The following ARHGEF3 variants were observed in gnomAD, a reference collection of about 807,000 sequenced individuals.
ARHGEF3 encodes the protein Rho guanine nucleotide exchange factor 3.
ARHGEF3 carries 28 observed loss-of-function variants against 63.2 expected under a neutral mutation model. That is an observed-to-expected ratio of 0.44 (90% CI 0.33 to 0.61). The LOEUF is 0.61. ARHGEF3 is among the 20% of genes least tolerant of loss of function. ARHGEF3 has a pLI of 0.03. For missense variants in ARHGEF3, 533 were observed against 659.3 expected, an observed-to-expected ratio of 0.81 and a Z score of 2.10; for synonymous variants, 266 against 254.2, an observed-to-expected ratio of 1.05 and a Z score of -0.44.
chr3:56,884,701 G>A (rs571536151), intron 3 of ARHGEF3, among the ~76,000 whole-genome samples: 89 of 152,336 alleles, frequency 5.8e-4, no homozygotes, highest in African/African-American at 2.0e-3. Context: ...TCACAACTCC[G>A]GGCACAGCTG....
Position 56,795,676 on chromosome 3 carries a change from A to T in ARHGEF3, c.96+6027T>A, listed in dbSNP as rs1422885190. ...CTCTCTTTTTTTTTTTTGAAGATGG[A>T]CTCTTGCTCTGTTGCTCAGACTGGA... On this transcript the variant is annotated intron_variant, in intron 1 of 9. Transcript: ENST00000296315. 1.9e-4 allele frequency among the ~76,000 whole-genome samples: 9 copies of T among 47,300 alleles called. No homozygotes were observed. The East Asian group carries it at 5.9e-3, about 31-fold the overall frequency. 31.0% of individuals were successfully genotyped at this position (47,300 alleles called of 152,430 possible). A position where few individuals can be genotyped will look rare whatever the true frequency, so the allele number is the denominator to read the frequency against.
chr3:57,071,487 C>A (rs1489183335), intron 1 of ARHGEF3, among the ~76,000 whole-genome samples: 7 of 151,914 alleles, frequency 4.6e-5, no homozygotes, highest in African/African-American at 1.7e-4. Context: ...TGGTGAAACC[C>A]CGTCTCTACT....
chr3:56,922,629 T>C (rs879918033), intron 3 of ARHGEF3, among the ~76,000 whole-genome samples: 8 of 152,234 alleles, frequency 5.3e-5, no homozygotes, highest in Non-Finnish European at 7.3e-5. Context: ...TCATTCTTAT[T>C]AAAAAGTTTC....
chr3:56,801,326 T>A (rs1489171350), intron 1 of ARHGEF3, among the ~76,000 whole-genome samples: 1 of 152,100 alleles, frequency 6.6e-6, no homozygotes, highest in Non-Finnish European at 1.5e-5. Flanking sequence ...TTGCTGACAC[T>A]TCCCTGACAC....
chr3:57,042,667 TATATATATATATATATATATATA>T (rs1560155870), intron 1 of ARHGEF3, among the ~76,000 whole-genome samples: 151 of 12,798 alleles, frequency 0.012, 6 homozygotes, highest in African/African-American at 0.041. Context: ...TATATATATA[TATATATATATATATATATATATA>T]TATATATATA....
intron 4 of ARHGEF3, among the ~76,000 whole-genome samples, chr3:56,870,065 C>T (rs1206974859): frequency 6.6e-6 from 1 of 151,912 alleles, no homozygotes; most frequent in African/African-American, 2.4e-5. Context: ...ATGAAGTGTA[C>T]CTTACTACTT....
At chr3:56,800,885 A>C (rs569246152) in intron 1 of ARHGEF3, among the ~76,000 whole-genome samples, 14 of 152,330 alleles carry the variant, frequency 9.2e-5, no homozygotes, top group African/African-American at 3.1e-4. Context: ...ACCCTCAAAG[A>C]GAGGGATGCT....
chr3:56,931,415 A>G (rs2042407337), intron 3 of ARHGEF3, among the ~76,000 whole-genome samples: 1 of 151,932 alleles, frequency 6.6e-6, no homozygotes, highest in African/African-American at 2.4e-5. Context: ...GTCTCTACAG[A>G]AAATACAAAG....
intron 1 of ARHGEF3, among the ~76,000 whole-genome samples, chr3:56,783,460 T>G (rs978961242): frequency 3.9e-5 from 6 of 152,208 alleles, no homozygotes; most frequent in African/African-American, 1.4e-4. Context: ...ATTTTGTTTC[T>G]GAGAGAAGAC....
intron 1 of ARHGEF3, among the ~76,000 whole-genome samples, chr3:56,790,857 A>T (rs1578519893): frequency 1.3e-5 from 2 of 152,050 alleles, no homozygotes; most frequent in South Asian, 4.1e-4. Flanking sequence ...TTCCTCTAGG[A>T]AGACTCCACA....
At chr3:57,022,701 G>T (rs1033798642) in intron 2 of ARHGEF3, among the ~76,000 whole-genome samples, 2 of 151,674 alleles carry the variant, frequency 1.3e-5, no homozygotes, top group Non-Finnish European at 2.9e-5. Flanking sequence ...TCCCGAGACT[G>T]CCCTGTCCAG....
chr3:56,779,593 C>T (rs1368367443), intron 1 of ARHGEF3, among the ~76,000 whole-genome samples: 5 of 152,134 alleles, frequency 3.3e-5, no homozygotes, highest in African/African-American at 4.8e-5. Flanking sequence ...CCCGGGTTCA[C>T]GCCATGGACA....
chr3:56,825,600 G>C (rs946031052), intron 4 of ARHGEF3, among the ~76,000 whole-genome samples: 14 of 152,298 alleles, frequency 9.2e-5, no homozygotes, highest in African/African-American at 3.1e-4. Flanking sequence ...TAATGCAGTT[G>C]AGAATCGACT....
chr3:56,811,892 G>A, intron 4 of ARHGEF3, among the ~76,000 whole-genome samples: 1 of 152,124 alleles, frequency 6.6e-6, no homozygotes, highest in East Asian at 1.9e-4. Context: ...CCCAGGCAAG[G>A]GTAATCCTTG....
At chr3:56,948,994 A>C (rs1699664364) in intron 3 of ARHGEF3, among the ~76,000 whole-genome samples, 1 of 152,102 alleles carries the variant, frequency 6.6e-6, no homozygotes, top group Admixed American at 6.5e-5. Flanking sequence ...CAATAAACGT[A>C]ATCCAGCATA....
intron 3 of ARHGEF3, among the ~76,000 whole-genome samples, chr3:56,941,736 C>T (rs1010688601): frequency 1.3e-5 from 2 of 152,160 alleles, no homozygotes; most frequent in South Asian, 2.1e-4. Flanking sequence ...ACTTCATCTA[C>T]TCCATATTGT....
intron 4 of ARHGEF3, among the ~76,000 whole-genome samples, chr3:56,874,401 G>T (rs912641824): frequency 2.0e-5 from 3 of 152,196 alleles, no homozygotes; most frequent in African/African-American, 4.8e-5. Flanking sequence ...AATCTCCCCA[G>T]TTAGCAAGTT....
In ARHGEF3 at chr3:56,861,355, G is replaced by A. The variant is rs368379657; in HGVS notation, c.192+20937C>T. On this transcript the variant is annotated intron_variant, in intron 4 of 12. Transcript: ENST00000338458. ...GCCTTAGATTGTCTAGAAAGCTTGGGGCTGGAAGGAACTGGAACCTAATCT... is the reference window on the plus strand; with the variant it reads ...GCCTTAGATTGTCTAGAAAGCTTGGAGCTGGAAGGAACTGGAACCTAATCT... Among the ~76,000 whole-genome samples, 14 of 152,260 alleles carry A rather than the reference G, an allele frequency of 9.2e-5. 2 individuals carry two copies. Among genetic ancestry groups the A allele is most frequent in the Admixed American group, 5.9e-4 (9 of 15,300 alleles).
Position 56,826,729 on chromosome 3 carries a change from G to A in ARHGEF3, c.193-52913C>T, listed in dbSNP as rs1401970963. ...CATTTTACACTTTACCAGCTCAGCA[G>A]ATGGAAAACCCCTACCAAAGTATCA... On this transcript the variant is annotated intron_variant, in intron 4 of 12. Coordinates refer to the ARHGEF3 transcript ENST00000338458. Among the ~76,000 whole-genome samples, 6 of 152,256 alleles carry A rather than the reference G, an allele frequency of 3.9e-5. No individual in the cohort carries two copies. The South Asian group carries it at 1.0e-3, about 26-fold the overall frequency.
Sources: allele counts gnomAD v4.1 joint callset (sites outside exome capture counted in the v4.1 genomes callset), GRCh38; gene constraint gnomAD v4.1.1; transcripts MANE v1.5; gene names NCBI Gene and HGNC (gene_info 2026-07-23, HGNC 2026-07-21).